ARHGAP15: variants seen among roughly 807,000 people sequenced by gnomAD.
ARHGAP15 encodes the protein rho GTPase-activating protein 15.
A neutral mutation model predicts 63.7 loss-of-function variants in ARHGAP15; 51 were observed. The ratio of observed to expected loss-of-function variants is 0.80; its 90% CI spans 0.64 to 1.01. ARHGAP15 has a LOEUF of 1.01. ARHGAP15 is among the 50% of genes least tolerant of loss of function. The pLI is 0.00. For synonymous variants in ARHGAP15, 191 were observed against 193.8 expected (o/e 0.99, Z 0.12); for missense variants, 560 against 564.6 (o/e 0.99, Z 0.08).
intron 9 of ARHGAP15, among the ~76,000 whole-genome samples, chr2:143,490,712 C>T (rs1183988895): frequency 6.6e-6 from 1 of 152,008 alleles, no homozygotes; most frequent in Non-Finnish European, 1.5e-5. Context: ...CCTCTGTGTC[C>T]CAGGTTCTAG....
chr2:143,211,306 G>T (rs1173605873), intron 3 of ARHGAP15, among the ~76,000 whole-genome samples: 1 of 140,846 alleles, frequency 7.1e-6, no homozygotes, highest in African/African-American at 2.6e-5. Context: ...GACAGATAAG[G>T]TAGATATTTC....
intron 1 of ARHGAP15, among the ~76,000 whole-genome samples, chr2:143,151,758 G>A (rs905779162): frequency 3.3e-5 from 5 of 151,912 alleles, no homozygotes; most frequent in Non-Finnish European, 7.4e-5. Context: ...GGAGTTGAAA[G>A]GGAATAAAGA....
chr2:143,694,690 ATGTT>A (rs934219481), intron 12 of ARHGAP15, among the ~76,000 whole-genome samples: 2 of 152,210 alleles, frequency 1.3e-5, no homozygotes, highest in Admixed American at 6.5e-5. Context: ...AAGGATTTTG[ATGTT>A]TGTTTAATTA....
chr2:143,473,639 T>C (rs967820495), intron 8 of ARHGAP15, among the ~76,000 whole-genome samples: 2 of 152,196 alleles, frequency 1.3e-5, no homozygotes, highest in Non-Finnish European at 2.9e-5. Flanking sequence ...TTATTTAAAG[T>C]AGATCTTTAA....
intron 12 of ARHGAP15, among the ~76,000 whole-genome samples, chr2:143,637,963 A>G (rs1680407092): frequency 6.6e-6 from 1 of 151,840 alleles, no homozygotes; most frequent in Non-Finnish European, 1.5e-5. Context: ...ACCATCTCAC[A>G]CCAGTTAGAA....
chr2:143,604,653 A>C (rs1225977944), intron 11 of ARHGAP15, among the ~76,000 whole-genome samples: 1 of 152,178 alleles, frequency 6.6e-6, no homozygotes, highest in Non-Finnish European at 1.5e-5. Flanking sequence ...GACCATGACT[A>C]AATTCATTTG....
At chr2:143,485,633 C>T (rs551336046) in intron 8 of ARHGAP15, among the ~76,000 whole-genome samples, 54 of 152,184 alleles carry the variant, frequency 3.5e-4, no homozygotes, top group Non-Finnish European at 5.3e-4. Context: ...CCTCATGGAC[C>T]TATGGCAAAG....
At chr2:143,238,012 G>C (rs1222785848) in intron 5 of ARHGAP15, 1 of 151,930 alleles carries the variant, frequency 6.6e-6, no homozygotes, top group East Asian at 1.9e-4. Flanking sequence ...TTTGTATATG[G>C]TGTAAGGAAG....
chr2:143,429,357 CTG>C (rs1417316513), intron 6 of ARHGAP15, among the ~76,000 whole-genome samples: 1 of 151,868 alleles, frequency 6.6e-6, no homozygotes, highest in Non-Finnish European at 1.5e-5. Context: ...GAACAAATCT[CTG>C]TTGTACGAAT....
intron 11 of ARHGAP15, among the ~76,000 whole-genome samples, chr2:143,614,660 G>A (rs1698389750): frequency 6.6e-6 from 1 of 152,170 alleles, no homozygotes; most frequent in African/African-American, 2.4e-5. Flanking sequence ...CACTGGCTAA[G>A]CACTGGGGAT....
chr2:143,349,999 A>G (rs374877318), intron 6 of ARHGAP15, among the ~76,000 whole-genome samples: 1 of 152,326 alleles, frequency 6.6e-6, no homozygotes, highest in East Asian at 1.9e-4. Context: ...CTTTTTGACA[A>G]CACATTAAAA....
rs1178349531 is a variant in ARHGAP15, at chr2:143,155,466, T to C, written c.-14-11T>C. ...GTTTAGAATAACATAATACATTTTA[T>C]ATTTTATCAGGATAGCACTATAATA... On this transcript the variant is annotated splice_polypyrimidine_tract_variant and intron_variant, in intron 1 of 13. Coordinates refer to ENST00000295095, the MANE Select transcript of ARHGAP15 (RefSeq NM_018460.4). 3.2e-6 allele frequency: 5 copies of C among 1,566,142 alleles called. No individual in the cohort carries two copies. Among genetic ancestry groups the C allele is most frequent in the Non-Finnish European group, 4.3e-6 (5 of 1,162,030 alleles).
chr2:143,531,192 T>C (rs1231607415), intron 10 of ARHGAP15, among the ~76,000 whole-genome samples: 4 of 152,134 alleles, frequency 2.6e-5, no homozygotes, highest in African/African-American at 7.2e-5. Context: ...TTACCAAAGA[T>C]GTATTTATGA....
chr2:143,243,731 T>C (rs1693950517), intron 5 of ARHGAP15, among the ~76,000 whole-genome samples: 1 of 152,152 alleles, frequency 6.6e-6, no homozygotes, highest in Non-Finnish European at 1.5e-5. Flanking sequence ...CTTATTCCAA[T>C]AAGTAGTTTA....
At chr2:143,668,864 C>G (rs1271828578) in intron 12 of ARHGAP15, among the ~76,000 whole-genome samples, 3 of 152,180 alleles carry the variant, frequency 2.0e-5, no homozygotes, top group Non-Finnish European at 2.9e-5. Flanking sequence ...ATTTATACCA[C>G]AAAATTTGGT....
intron 8 of ARHGAP15, among the ~76,000 whole-genome samples, chr2:143,459,634 C>G (rs1053434186): frequency 6.6e-6 from 1 of 151,966 alleles, no homozygotes; most frequent in African/African-American, 2.4e-5. Flanking sequence ...AATATGTGTA[C>G]TCTTAATTTT....
At chr2:143,131,261 G>C (rs890088280) in intron 1 of ARHGAP15, among the ~76,000 whole-genome samples, 1 of 152,046 alleles carries the variant, frequency 6.6e-6, no homozygotes, top group African/African-American at 2.4e-5. Flanking sequence ...GAGCAGTAAG[G>C]TACAAACCAA....
At chr2:143,452,012 T>C (rs1252598397) in intron 8 of ARHGAP15, among the ~76,000 whole-genome samples, 1 of 151,998 alleles carries the variant, frequency 6.6e-6, no homozygotes, top group African/African-American at 2.4e-5. Flanking sequence ...ACTTTTTTAA[T>C]AGGGAGATGC....
chr2:143,162,067 G>A (rs572235037), intron 2 of ARHGAP15: 2 of 152,060 alleles, frequency 1.3e-5, no homozygotes, highest in South Asian at 4.2e-4. Flanking sequence ...CAGTTCCAGT[G>A]GAACATGTAT....
Sources: gnomAD v4.1 joint callset for allele counts (sites outside exome capture counted in the v4.1 genomes callset) on GRCh38, gnomAD v4.1.1 for gene constraint, MANE v1.5 for transcripts, NCBI Gene and HGNC (gene_info 2026-07-23, HGNC 2026-07-21) for gene names.